METAP2: variants seen among roughly 807,000 people sequenced by gnomAD.
METAP2 encodes methionine aminopeptidase 2.
Under a neutral mutation model 59.4 loss-of-function variants are expected in METAP2, and 25 were observed. The observed-to-expected ratio is 0.42, with a 90% CI of 0.31 to 0.59. The LOEUF is 0.59. Among genes scored for constraint, METAP2 ranks in the 20% least tolerant of loss-of-function variants. The pLI is 0.16. For synonymous variants in METAP2, 214 were observed against 194.1 expected (o/e 1.10, Z -0.85); for missense variants, 366 against 581.2 (o/e 0.63, Z 3.81).
In METAP2 at chr12:95,474,306, A is replaced by C; in HGVS notation, c.127A>C (p.Lys43Gln). ...AGCCAAGAAAAAAAGACGAAAGAAGAAGAAGAGCAAAGGGCCTTCTGCAGG... is the reference window on the plus strand; with the variant it reads ...AGCCAAGAAAAAAAGACGAAAGAAGCAGAAGAGCAAAGGGCCTTCTGCAGG... ...EAAKKKRRKK[K>Q]KSKGPSAAGE... Residue 43 changes from lysine to glutamine, a missense_variant, in exon 1 of 11, where the codon AAG becomes CAG. This residue lies in a region of METAP2 where 177 missense variants were observed against 180.3 expected (regional missense o/e 0.98). Coordinates refer to ENST00000323666, the MANE Select transcript of METAP2 (RefSeq NM_006838.4). 6.2e-7 allele frequency: 1 copy of C among 1,614,160 alleles called. No individual in the cohort carries two copies. Among genetic ancestry groups the C allele is most frequent in the Non-Finnish European group, 8.5e-7 (1 of 1,180,012 alleles).
At chr12:95,490,339 G>C (rs1357784231) in intron 4 of METAP2, among the ~76,000 whole-genome samples, 2 of 140,506 alleles carry the variant, frequency 1.4e-5, no homozygotes, top group African/African-American at 5.3e-5. Flanking sequence ...ACTAGATAAT[G>C]TATATACAGT....
intron 8 of METAP2, among the ~76,000 whole-genome samples, chr12:95,506,687 G>C (rs2076362914): frequency 6.6e-6 from 1 of 151,934 alleles, no homozygotes; most frequent in African/African-American, 2.4e-5. Flanking sequence ...CCCTGTGTTG[G>C]CAGCTTTAAT....
intron 2 of METAP2, among the ~76,000 whole-genome samples, chr12:95,480,495 G>A (rs1233870569): frequency 6.6e-6 from 1 of 152,188 alleles, no homozygotes; most frequent in Non-Finnish European, 1.5e-5. Flanking sequence ...CAATGGTTGA[G>A]AGTTTCAGGT....
intron 3 of METAP2, among the ~76,000 whole-genome samples, chr12:95,485,583 C>T (rs2076190192): frequency 6.6e-6 from 1 of 152,024 alleles, no homozygotes. Context: ...CTATGCTGTT[C>T]CATCTCTAGT....
At chr12:95,500,468 A>C (rs776159126) in intron 7 of METAP2, among the ~76,000 whole-genome samples, 5 of 152,082 alleles carry the variant, frequency 3.3e-5, no homozygotes, top group Non-Finnish European at 5.9e-5. Context: ...CTTGTTTGTG[A>C]TCTTAGAGGA....
chr12:95,497,842 T>C lies in METAP2; in HGVS notation c.867+1744T>C, dbSNP rs144809379. On this transcript the variant is annotated intron_variant, in intron 7 of 10. Coordinates refer to ENST00000323666, the MANE Select transcript of METAP2 (RefSeq NM_006838.4). Reference sequence around the variant, plus strand: ...ATTTATTTATTTTTTAATTAAAAAATGTAGGCCAGATGTGGTGGCTCATGC... The same window carrying C: ...ATTTATTTATTTTTTAATTAAAAAACGTAGGCCAGATGTGGTGGCTCATGC... 5.2e-3 allele frequency among the ~76,000 whole-genome samples: 785 copies of C among 152,072 alleles called. 3 individuals carry two copies. The highest frequency in any genetic ancestry group is 8.3e-3 in the Admixed American group (127 of 15,276).
intron 4 of METAP2, among the ~76,000 whole-genome samples, chr12:95,488,325 C>T (rs1371919991): frequency 6.6e-6 from 1 of 151,458 alleles, no homozygotes; most frequent in Non-Finnish European, 1.5e-5. Context: ...CATGGTAAAA[C>T]CCCGTCTCTA....
intron 2 of METAP2, among the ~76,000 whole-genome samples, chr12:95,479,963 A>G (rs888565193): frequency 6.6e-6 from 1 of 152,184 alleles, no homozygotes; most frequent in African/African-American, 2.4e-5. Flanking sequence ...AAAGTATGCA[A>G]TTGTGTAACT....
Position 95,494,300 on chromosome 12 carries a change from A to G in METAP2, c.590+83A>G, listed in dbSNP as rs2076261554. ...TCTCCAATTATAATGTTTGGCTTTC[A>G]TTACCACTTTGCTAAATCTTTAAGT... On this transcript the variant is annotated intron_variant, in intron 5 of 10. Transcript: ENST00000323666. 2.3e-6 allele frequency: 3 copies of G among 1,297,174 alleles called. No individual in the cohort carries two copies. The African/African-American group carries it at 4.5e-5, about 19-fold the overall frequency. The allele number at this position is 1,297,174 out of a possible 1,614,324, so 80.4% of individuals were successfully genotyped here.
intron 4 of METAP2, among the ~76,000 whole-genome samples, chr12:95,490,253 C>G (rs891074883): frequency 6.6e-5 from 10 of 150,750 alleles, no homozygotes; most frequent in Non-Finnish European, 1.3e-4. Flanking sequence ...AGGCGTGTGC[C>G]ACCACACCCG....
chr12:95,492,868 G>A (rs764852921), intron 4 of METAP2, among the ~76,000 whole-genome samples: 1 of 152,170 alleles, frequency 6.6e-6, no homozygotes, highest in Non-Finnish European at 1.5e-5. Context: ...AGGGCATATA[G>A]TGAATATTTT....
intron 4 of METAP2, among the ~76,000 whole-genome samples, chr12:95,491,350 T>G (rs2076236444): frequency 6.6e-6 from 1 of 152,202 alleles, no homozygotes; most frequent in Non-Finnish European, 1.5e-5. Context: ...TCCTTCTACA[T>G]TTATTAGGTG....
intron 8 of METAP2, among the ~76,000 whole-genome samples, chr12:95,505,285 C>T (rs756851984): frequency 1.3e-5 from 2 of 152,186 alleles, no homozygotes; most frequent in South Asian, 2.1e-4. Context: ...TTACCACCAA[C>T]GTAACAGTCC....
At position 95,474,214 on chromosome 12, in the gene METAP2, G is replaced by A. The variant is rs1359410976; in HGVS notation, c.35G>A (p.Ser12Asn). 1.6e-5 allele frequency: 26 copies of A among 1,614,078 alleles called. No homozygotes were observed. Among genetic ancestry groups the A allele is most frequent in the Non-Finnish European group, 1.9e-5 (22 of 1,180,026 alleles). ...GTGGAGGAGGTAGCGGCCTCCGGGA[G>A]CCACCTGAATGGCGACCTGGATCCA... ...AGVEEVAASGSHLNGDLDPDD... is the reference protein window; with the variant it reads ...AGVEEVAASGNHLNGDLDPDD... The change falls in exon 1 of 11, where the codon AGC (serine) becomes AAC (asparagine). Residue 12 changes from serine (S) to asparagine (N), a missense_variant. Transcript: ENST00000323666.
intron 4 of METAP2, among the ~76,000 whole-genome samples, chr12:95,488,817 T>G (rs2076216957): frequency 6.6e-6 from 1 of 152,144 alleles, no homozygotes; most frequent in Non-Finnish European, 1.5e-5. Context: ...TAATACTATT[T>G]TGATTTGATA....
Position 95,513,815 on chromosome 12 carries a change from A to G in METAP2, c.1348A>G (p.Ile450Val), listed in dbSNP as rs778464018. Residue 450 changes from isoleucine (I) to valine (V), a missense_variant, in exon 11 of 11, where the codon ATT (isoleucine) becomes GTT (valine). By Grantham distance (29) the Ile-to-Val change is conservative. Transcript: ENST00000323666. Reference protein sequence around the residue: ...IVDPYPPLCDIKGSYTAQFEH... With the variant: ...IVDPYPPLCDVKGSYTAQFEH... ...AGATCCATATCCACCATTATGTGACATTAAAGGATCATATACAGCGCAATT... is the reference window on the plus strand; with the variant it reads ...AGATCCATATCCACCATTATGTGACGTTAAAGGATCATATACAGCGCAATT... 3 of 1,614,226 alleles carry G rather than the reference A, an allele frequency of 1.9e-6. No individual in the cohort carries two copies. Among genetic ancestry groups the G allele is most frequent in the South Asian group, 2.2e-5 (2 of 91,086 alleles).
chr12:95,511,389 GTTTTTTT>G (rs11301070), intron 8 of METAP2, among the ~76,000 whole-genome samples: 2 of 61,118 alleles, frequency 3.3e-5, no homozygotes. Flanking sequence ...TTCTAGCACC[GTTTTTTT>G]TTTTTTTTTT....
chr12:95,477,487 C>G (rs1012258014), intron 2 of METAP2, among the ~76,000 whole-genome samples: 5 of 152,196 alleles, frequency 3.3e-5, no homozygotes, highest in African/African-American at 1.2e-4. Flanking sequence ...TTGACCCTAG[C>G]TCCTTCTGGG....
intron 7 of METAP2, among the ~76,000 whole-genome samples, chr12:95,502,667 T>A (rs1395058898): frequency 6.6e-6 from 1 of 152,078 alleles, no homozygotes; most frequent in African/African-American, 2.4e-5. Context: ...TCAATTATTG[T>A]TTACCTTTCT....
Sources: gnomAD v4.1 joint callset for allele counts (sites outside exome capture counted in the v4.1 genomes callset) on GRCh38, gnomAD v4.1.1 for gene constraint, gnomAD v4.1.1 regional missense constraint, MANE v1.5 for transcripts, NCBI Gene and HGNC (gene_info 2026-07-23, HGNC 2026-07-21) for gene names.